The following TBCK variants were observed in gnomAD, a reference collection of about 807,000 sequenced individuals.
TBCK encodes the protein TBC1 domain containing kinase.
TBCK carries 99 observed loss-of-function variants against 113.4 expected under a neutral mutation model. The ratio of observed to expected loss-of-function variants is 0.87; its 90% confidence interval spans 0.74 to 1.03. The LOEUF is 1.03. TBCK is among the 50% of genes least tolerant of loss of function. The pLI, the probability that TBCK is intolerant of heterozygous loss-of-function variation, is 0.00. For synonymous variants in TBCK, 369 were observed against 370.8 expected, an observed-to-expected ratio of 1.00 and a Z score of 0.05; for missense variants, 1,045 against 1,061.3, an observed-to-expected ratio of 0.98 and a Z score of 0.21.
intron 25 of TBCK, among the ~76,000 whole-genome samples, chr4:106,070,354 C>T (rs1285795903): frequency 6.6e-6 from 1 of 151,968 alleles, no homozygotes; most frequent in Non-Finnish European, 1.5e-5. Flanking sequence ...GCATGAAGGG[C>T]TGTTGAATTT....
chr4:106,174,166 C>T (rs1407748619), intron 22 of TBCK, among the ~76,000 whole-genome samples: 2 of 152,050 alleles, frequency 1.3e-5, no homozygotes. Context: ...TAGCTATTGT[C>T]CTGGAACTTC....
At chr4:106,218,167 T>G (rs1430255450) in intron 19 of TBCK, among the ~76,000 whole-genome samples, 1 of 144,372 alleles carries the variant, frequency 6.9e-6, no homozygotes, top group Non-Finnish European at 1.5e-5. Flanking sequence ...GCTAGCCATA[T>G]GTAGAAAGCT....
At chr4:106,225,228 T>C (rs1295485939) in intron 19 of TBCK, among the ~76,000 whole-genome samples, 5 of 149,748 alleles carry the variant, frequency 3.3e-5, no homozygotes, top group Admixed American at 3.3e-4. Context: ...TGTCTATTGA[T>C]TTTTTTTTAG....
At position 106,252,017 on chromosome 4, in the gene TBCK, T is replaced by A; in HGVS notation, c.456-10A>T. 2 of 1,575,210 alleles carry A rather than the reference T, an allele frequency of 1.3e-6. No homozygotes were observed. Among genetic ancestry groups the A allele is most frequent in the Non-Finnish European group, 1.7e-6 (2 of 1,161,050 alleles). The stretch of plus-strand genomic sequence containing the variant: ...CAAGTACGAGGGATACCTGTAATGA[T>A]ACATTAAAATAATGAAAAATTACAA... On this transcript the variant is annotated splice_polypyrimidine_tract_variant and intron_variant, in intron 5 of 25. Coordinates refer to ENST00000394708, the MANE Select transcript of TBCK (RefSeq NM_001163435.3).
chr4:106,233,869 G>A (rs1020869425), intron 15 of TBCK, among the ~76,000 whole-genome samples: 2 of 151,978 alleles, frequency 1.3e-5, no homozygotes, highest in African/African-American at 4.8e-5. Context: ...CCATTTTGCT[G>A]AGGCAAACTC....
At chr4:106,116,126 A>G in intron 24 of TBCK, 77 bp downstream of exon 24, 2 of 1,398,172 alleles carry the variant, frequency 1.4e-6, no homozygotes. Context: ...TTTTTTTTTA[A>G]CCACACAACA....
At chr4:106,312,820 C>T (rs1768342214) in intron 1 of TBCK, among the ~76,000 whole-genome samples, 1 of 152,118 alleles carries the variant, frequency 6.6e-6, no homozygotes, top group Admixed American at 6.5e-5. Context: ...GAAGCAGACA[C>T]AAAAGAGTTC....
At chr4:106,049,962 T>C (rs1734631694) in intron 25 of TBCK, among the ~76,000 whole-genome samples, 1 of 152,014 alleles carries the variant, frequency 6.6e-6, no homozygotes, top group Non-Finnish European at 1.5e-5. Flanking sequence ...TGGGATTCAT[T>C]TGCAGGTCAG....
chr4:106,254,598 T>C lies in TBCK; in HGVS notation c.456-2591A>G, dbSNP rs1335777042. Among the ~76,000 whole-genome samples the C allele has an allele frequency of 2.0e-5, 3 of 152,246 alleles. No homozygotes were observed. The East Asian group carries it at 5.8e-4, about 29-fold the overall frequency. On this transcript the variant is annotated intron_variant, in intron 5 of 25. Transcript: ENST00000394708. Reference sequence around the variant, plus strand: ...TTAATGATTTTGTCAAAATAATCTGTTAATTTTCTCAAAATTTCAGTTTAG... The same window carrying C: ...TTAATGATTTTGTCAAAATAATCTGCTAATTTTCTCAAAATTTCAGTTTAG...
intron 21 of TBCK, 34 bp downstream of exon 21, chr4:106,194,684 C>T: frequency 6.4e-7 from 1 of 1,566,168 alleles, no homozygotes; most frequent in Non-Finnish European, 8.7e-7. Context: ...TTTGCTAATA[C>T]AATATCAAAA....
intron 3 of TBCK, among the ~76,000 whole-genome samples, chr4:106,267,171 A>T (rs933444124): frequency 2.6e-5 from 4 of 152,034 alleles, no homozygotes; most frequent in African/African-American, 9.6e-5. Flanking sequence ...AATTATTGTT[A>T]CTTCAGGGCC....
intron 25 of TBCK, among the ~76,000 whole-genome samples, chr4:106,092,459 G>A (rs1451447166): frequency 6.6e-6 from 1 of 152,244 alleles, no homozygotes; most frequent in South Asian, 2.1e-4. Flanking sequence ...GGCAGCACTC[G>A]TTGGGGAGTC....
intron 22 of TBCK, among the ~76,000 whole-genome samples, chr4:106,184,863 T>C (rs1191050782): frequency 6.6e-6 from 1 of 152,114 alleles, no homozygotes; most frequent in Non-Finnish European, 1.5e-5. Context: ...ACATTACTGA[T>C]ATATGGGTAA....
chr4:106,164,465 G>C (rs1368536796), intron 23 of TBCK: 2 of 151,792 alleles, frequency 1.3e-5, no homozygotes, highest in Non-Finnish European at 1.5e-5. Flanking sequence ...GTATTTTCTA[G>C]AGAAATAGAG....
intron 25 of TBCK, among the ~76,000 whole-genome samples, chr4:106,067,307 G>A (rs962218942): frequency 4.6e-5 from 7 of 151,982 alleles, no homozygotes; most frequent in African/African-American, 1.4e-4. Flanking sequence ...CAAGTCTTTT[G>A]CCCATTTCTT....
intron 3 of TBCK, among the ~76,000 whole-genome samples, chr4:106,263,162 C>T (rs941951777): frequency 2.6e-5 from 4 of 151,862 alleles, no homozygotes; most frequent in Non-Finnish European, 5.9e-5. Flanking sequence ...ACAATATTAA[C>T]ATTTTCCTTT....
intron 2 of TBCK, among the ~76,000 whole-genome samples, chr4:106,306,570 A>G (rs1767552199): frequency 6.6e-6 from 1 of 151,908 alleles, no homozygotes; most frequent in African/African-American, 2.4e-5. Flanking sequence ...ATTTTTGTAT[A>G]TTTGGCATCT....
At chr4:106,209,902 ATTCT>A (rs137880080) in intron 20 of TBCK, among the ~76,000 whole-genome samples, 2,545 of 152,182 alleles carry the variant, frequency 0.017, 31 homozygotes, top group Middle Eastern at 0.089. Flanking sequence ...ATTAGCTTAC[ATTCT>A]TTCTATGTTC....
chr4:106,080,622 T>C (rs1193714436), intron 25 of TBCK, among the ~76,000 whole-genome samples: 1 of 152,184 alleles, frequency 6.6e-6, no homozygotes, highest in Non-Finnish European at 1.5e-5. Flanking sequence ...AAAGGATTTA[T>C]GACTAATTCC....
Sources: gnomAD v4.1 joint callset for allele counts (sites outside exome capture counted in the v4.1 genomes callset) on GRCh38, gnomAD v4.1.1 for gene constraint, MANE v1.5 for transcripts, NCBI Gene and HGNC (gene_info 2026-07-23, HGNC 2026-07-21) for gene names.